Variants in RASSF8 observed in about 807,000 individuals in gnomAD.
RASSF8 encodes the protein ras association domain-containing protein 8.
A neutral mutation model predicts 48.5 loss-of-function variants in RASSF8; 22 were observed. That is an observed-to-expected ratio of 0.45 (90% CI 0.32 to 0.65). The LOEUF (loss-of-function observed/expected upper bound fraction) is 0.65. RASSF8 is among the 30% of genes least tolerant of loss of function. RASSF8 has a pLI of 0.03. For missense variants in RASSF8, 418 were observed against 489.2 expected (o/e 0.85, Z 1.37); for synonymous variants, 127 against 171.5 (o/e 0.74, Z 2.03).
At chr12:25,996,579 G>A (rs1177638059) in intron 2 of RASSF8, among the ~76,000 whole-genome samples, 1 of 152,046 alleles carries the variant, frequency 6.6e-6, no homozygotes, top group Non-Finnish European at 1.5e-5. Context: ...GATTGATTGG[G>A]GATTGCTGCT....
chr12:26,055,024 T>C (rs544246384), intron 2 of RASSF8, among the ~76,000 whole-genome samples: 2 of 152,302 alleles, frequency 1.3e-5, no homozygotes, highest in East Asian at 1.9e-4. Flanking sequence ...GAGTTCATGA[T>C]TAAAATTATG....
chr12:25,984,206 GTGCACTGC>G (rs1468383312), intron 1 of RASSF8, among the ~76,000 whole-genome samples: 1 of 143,944 alleles, frequency 6.9e-6, no homozygotes, highest in African/African-American at 2.6e-5. Context: ...GACTACAGAT[GTGCACTGC>G]TACACGTAGC....
At chr12:25,963,372 G>C (rs1430705248) in intron 1 of RASSF8, among the ~76,000 whole-genome samples, 1 of 150,100 alleles carries the variant, frequency 6.7e-6, no homozygotes, top group East Asian at 1.9e-4. Context: ...GCCAAGGAAG[G>C]CTTACAGCTT....
At chr12:25,992,692 G>A (rs892672094) in intron 1 of RASSF8, among the ~76,000 whole-genome samples, 1 of 152,182 alleles carries the variant, frequency 6.6e-6, no homozygotes, top group African/African-American at 2.4e-5. Context: ...GGCTTCAGGG[G>A]AGGCACTGGA....
At chr12:25,987,027 C>T (rs1036574642) in intron 1 of RASSF8, among the ~76,000 whole-genome samples, 5 of 135,922 alleles carry the variant, frequency 3.7e-5, no homozygotes, top group Admixed American at 7.1e-5. Context: ...CCTCGCCTCC[C>T]GGGTTCAAGC....
chr12:26,061,088 A>G (rs936440352), intron 3 of RASSF8, among the ~76,000 whole-genome samples: 8 of 152,166 alleles, frequency 5.3e-5, no homozygotes, highest in East Asian at 1.9e-4. Context: ...GTGGTGTTCA[A>G]TATACATTTG....
intron 2 of RASSF8, among the ~76,000 whole-genome samples, chr12:26,044,093 A>G (rs913142841): frequency 1.1e-4 from 17 of 152,202 alleles, no homozygotes; most frequent in Admixed American, 7.9e-4. Context: ...CACTGTCCCA[A>G]TACTATTCCC....
Position 26,070,671 on chromosome 12 carries a change from A to G in RASSF8, c.*1853A>G. ...TGACAGTAATGATTTACATATGCCC[A>G]ATATATGCCTTATTTTTAAATAAGT... On this transcript the variant is annotated 3_prime_UTR_variant, in exon 6 of 6. Transcript: ENST00000689635. The G allele has an allele frequency of 1.1e-6, 1 of 945,936 alleles. No homozygotes were observed. The highest frequency in any genetic ancestry group is 1.3e-6 in the Non-Finnish European group (1 of 794,266). The allele number at this position is 945,936 out of a possible 1,614,324, so 58.6% of individuals were successfully genotyped here.
At chr12:26,058,653 A>G (rs1943670533) in intron 3 of RASSF8, among the ~76,000 whole-genome samples, 1 of 152,226 alleles carries the variant, frequency 6.6e-6, no homozygotes, top group South Asian at 2.1e-4. Flanking sequence ...ATGACTTACT[A>G]TGAAAATATG....
At position 26,045,719 on chromosome 12, in the gene RASSF8, T is replaced by C. The variant is rs1161029199; in HGVS notation, c.-108-9517T>C. Among the ~76,000 whole-genome samples, 3 of 152,230 alleles carry C rather than the reference T, an allele frequency of 2.0e-5. No homozygotes were observed. The East Asian group carries it at 5.8e-4, about 29-fold the overall frequency. On this transcript the variant is annotated intron_variant, in intron 2 of 5. Coordinates refer to ENST00000689635, the MANE Select transcript of RASSF8 (RefSeq NM_001394098.1). ...CATAAATGAGAAGTCCATAGTCATCTTGGTTTCATGGATAAAAAATAAATG... is the reference window on the plus strand; with the variant it reads ...CATAAATGAGAAGTCCATAGTCATCCTGGTTTCATGGATAAAAAATAAATG...
intron 2 of RASSF8, among the ~76,000 whole-genome samples, chr12:26,006,717 G>A (rs1024654015): frequency 7.9e-5 from 12 of 152,170 alleles, no homozygotes; most frequent in South Asian, 2.1e-4. Flanking sequence ...CTAGATACAC[G>A]CTTCGTTTCT....
chr12:26,078,668 A>G (rs1336886741), intron 5 of RASSF8, among the ~76,000 whole-genome samples: 1 of 152,244 alleles, frequency 6.6e-6, no homozygotes, highest in Non-Finnish European at 1.5e-5. Context: ...TTCACAGGTA[A>G]GATGTCCTTC....
At chr12:26,008,590 T>G (rs1942449181) in intron 2 of RASSF8, among the ~76,000 whole-genome samples, 1 of 152,234 alleles carries the variant, frequency 6.6e-6, no homozygotes, top group African/African-American at 2.4e-5. Flanking sequence ...TAAATCTTTC[T>G]TATGTTAAGA....
At chr12:26,073,137 T>G (rs553477920), downstream of RASSF8, among the ~76,000 whole-genome samples, 2 of 152,262 alleles carry the variant, frequency 1.3e-5, no homozygotes, top group African/African-American at 4.8e-5. Flanking sequence ...AAACCATAAG[T>G]GAGAGGAAGA....
At chr12:25,993,835 G>GA (rs563084370) in intron 1 of RASSF8, among the ~76,000 whole-genome samples, 40 of 149,484 alleles carry the variant, frequency 2.7e-4, no homozygotes, top group African/African-American at 5.9e-4. Flanking sequence ...ATTTTTATTA[G>GA]AAAAAAAAAA....
chr12:25,975,775 C>G (rs946750594), intron 1 of RASSF8, among the ~76,000 whole-genome samples: 1 of 152,074 alleles, frequency 6.6e-6, no homozygotes, highest in African/African-American at 2.4e-5. Flanking sequence ...GATCAAGGAC[C>G]AAAGGACCAG....
At chr12:26,005,692 A>T (rs370809702) in intron 2 of RASSF8, among the ~76,000 whole-genome samples, 3 of 152,324 alleles carry the variant, frequency 2.0e-5, no homozygotes, top group African/African-American at 7.2e-5. Flanking sequence ...TAGTCTCACC[A>T]TGTTAAGGTT....
At chr12:26,027,036 ATAT>A (rs1366800211) in intron 2 of RASSF8, among the ~76,000 whole-genome samples, 3 of 152,344 alleles carry the variant, frequency 2.0e-5, no homozygotes, top group Admixed American at 1.3e-4. Context: ...ATACAATGAA[ATAT>A]TATTTGGCAA....
At chr12:26,049,267 AAATTAGAT>A (rs1943439582) in intron 2 of RASSF8, among the ~76,000 whole-genome samples, 1 of 152,222 alleles carries the variant, frequency 6.6e-6, no homozygotes, top group Non-Finnish European at 1.5e-5. Context: ...GTTGGCTAGT[AAATTAGAT>A]TAGTAAGAGG....
Sources: allele counts gnomAD v4.1 joint callset (sites outside exome capture counted in the v4.1 genomes callset), GRCh38; gene constraint gnomAD v4.1.1; transcripts MANE v1.5; gene names NCBI Gene and HGNC (gene_info 2026-07-23, HGNC 2026-07-21).